Variants in BCKDHB observed in about 807,000 individuals in gnomAD.
BCKDHB encodes 2-oxoisovalerate dehydrogenase subunit beta, mitochondrial.
A neutral mutation model predicts 48.5 loss-of-function variants in BCKDHB; 41 were observed. The observed-to-expected ratio is 0.85, with a 90% CI of 0.66 to 1.10. The LOEUF (loss-of-function observed/expected upper bound fraction) is 1.10. Ranked by LOEUF, BCKDHB falls within the 50% of genes least tolerant of loss-of-function variation. The pLI is 0.00. For missense variants in BCKDHB, 496 were observed against 494.2 expected, an observed-to-expected ratio of 1.00 and a Z score of -0.03; for synonymous variants, 201 against 174.8, an observed-to-expected ratio of 1.15 and a Z score of -1.18.
intron 9 of BCKDHB, among the ~76,000 whole-genome samples, chr6:80,327,932 C>CCCTT (rs746235420): frequency 1.4e-5 from 2 of 141,848 alleles, no homozygotes; most frequent in South Asian, 2.5e-4. Flanking sequence ...TCCCCTCCCT[C>CCCTT]CCTTCCTTCC....
At chr6:80,187,149 C>T (rs1414811273) in intron 6 of BCKDHB, among the ~76,000 whole-genome samples, 1 of 152,118 alleles carries the variant, frequency 6.6e-6, no homozygotes, top group African/African-American at 2.4e-5. Context: ...CTACCATTTT[C>T]TCCATGTTGG....
intron 8 of BCKDHB, among the ~76,000 whole-genome samples, chr6:80,259,664 T>C (rs1179134100): frequency 6.6e-6 from 1 of 152,208 alleles, no homozygotes; most frequent in Non-Finnish European, 1.5e-5. Flanking sequence ...AATGATACCC[T>C]AACATGTTTC....
At chr6:80,416,977 G>A in the BCKDHB span, among the ~76,000 whole-genome samples, 1 of 152,036 alleles carries the variant, frequency 6.6e-6, no homozygotes, top group Admixed American at 6.6e-5. Flanking sequence ...CTGTCATTGT[G>A]TAGGAGTCTA....
chr6:80,389,282 CA>C, the BCKDHB span, among the ~76,000 whole-genome samples: 1 of 152,202 alleles, frequency 6.6e-6, no homozygotes, highest in Non-Finnish European at 1.5e-5. Flanking sequence ...ATGGGCTCAG[CA>C]ACATTTACTT....
At chr6:80,267,073 A>G (rs1302110585) in intron 8 of BCKDHB, among the ~76,000 whole-genome samples, 1 of 152,064 alleles carries the variant, frequency 6.6e-6, no homozygotes, top group Non-Finnish European at 1.5e-5. Flanking sequence ...TCTTTTACTA[A>G]TATACAAAGG....
the BCKDHB span, among the ~76,000 whole-genome samples, chr6:80,420,315 G>A: frequency 6.6e-6 from 1 of 152,094 alleles, no homozygotes; most frequent in South Asian, 2.1e-4. Flanking sequence ...GGAGAAAAAG[G>A]CCTTCTACAT....
intron 5 of BCKDHB, among the ~76,000 whole-genome samples, chr6:80,171,071 G>A (rs1335524701): frequency 6.6e-6 from 1 of 151,900 alleles, no homozygotes; most frequent in South Asian, 2.1e-4. Context: ...ACAGAACATG[G>A]TAGACATCTG....
At chr6:80,256,154 T>A (rs1777040688) in intron 8 of BCKDHB, among the ~76,000 whole-genome samples, 1 of 152,206 alleles carries the variant, frequency 6.6e-6, no homozygotes. Flanking sequence ...TTTAACTTCC[T>A]CTCTTAATGT....
chr6:80,396,728 T>C, the BCKDHB span, among the ~76,000 whole-genome samples: 1 of 152,210 alleles, frequency 6.6e-6, no homozygotes, highest in African/African-American at 2.4e-5. Flanking sequence ...AAGGGGTTTT[T>C]CCCTCTTTGC....
At position 80,129,195 on chromosome 6, in the gene BCKDHB, C is replaced by CT; in HGVS notation, c.312dup (p.Arg105Ter). On this transcript the variant is annotated frameshift_variant, in exon 3 of 10. Transcript: ENST00000320393. LOFTEE classifies it high-confidence loss of function. The stretch of plus-strand genomic sequence containing the variant: ...GTGAAGATGTTGCCTTTGGTGGAGT[C>CT]TTTAGATGCACTGTTGGCTTGCGAG... 1 of 1,611,402 alleles carries CT rather than the reference C, an allele frequency of 6.2e-7. No homozygotes were observed. The highest frequency in any genetic ancestry group is 8.5e-7 in the Non-Finnish European group (1 of 1,178,272).
intron 8 of BCKDHB, among the ~76,000 whole-genome samples, chr6:80,210,053 T>G (rs1774844698): frequency 6.6e-6 from 1 of 151,524 alleles, no homozygotes; most frequent in Admixed American, 6.6e-5. Context: ...TACAACCATT[T>G]TGGAAAATTG....
the BCKDHB span, among the ~76,000 whole-genome samples, chr6:80,416,103 G>A: frequency 1.3e-5 from 2 of 151,752 alleles, no homozygotes; most frequent in Non-Finnish European, 2.9e-5. Context: ...TATTTCTGTG[G>A]GGTCAGTGGG....
intron 5 of BCKDHB, among the ~76,000 whole-genome samples, chr6:80,170,639 C>T (rs186245210): frequency 2.6e-5 from 4 of 152,284 alleles, no homozygotes; most frequent in African/African-American, 7.2e-5. Flanking sequence ...CAAGTTTACA[C>T]GTGTACTTCC....
chr6:80,236,946 C>T (rs1404734572), intron 8 of BCKDHB, among the ~76,000 whole-genome samples: 1 of 152,070 alleles, frequency 6.6e-6, no homozygotes, highest in East Asian at 1.9e-4. Context: ...TGTAGATATA[C>T]TTTGAGAGAC....
the BCKDHB span, among the ~76,000 whole-genome samples, chr6:80,351,790 G>A: frequency 3.4e-5 from 5 of 148,928 alleles, no homozygotes; most frequent in Non-Finnish European, 5.9e-5. Flanking sequence ...CTACAAACGT[G>A]TGCTACCACA....
At chr6:80,201,340 G>A (rs1192811408) in intron 7 of BCKDHB, among the ~76,000 whole-genome samples, 1 of 152,018 alleles carries the variant, frequency 6.6e-6, no homozygotes, top group Non-Finnish European at 1.5e-5. Flanking sequence ...GGGTGGGGGC[G>A]AGGACACTTC....
chr6:80,449,927 G>A, the BCKDHB span, among the ~76,000 whole-genome samples: 1 of 151,928 alleles, frequency 6.6e-6, no homozygotes, highest in Non-Finnish European at 1.5e-5. Flanking sequence ...GGAAGTTGCT[G>A]CCAGAGCAAT....
intron 6 of BCKDHB, among the ~76,000 whole-genome samples, chr6:80,196,931 A>G (rs140785408): frequency 3.6e-4 from 55 of 152,094 alleles, no homozygotes; most frequent in African/African-American, 1.1e-3. Context: ...AAGATTTCTT[A>G]TTTTTCTGAG....
chr6:80,258,965 A>G lies in BCKDHB; in HGVS notation c.952-14170A>G, dbSNP rs181920131. On this transcript the variant is annotated intron_variant, in intron 8 of 9. Transcript: ENST00000320393. ...TTACTGTTTGCTACTTTATTTGCAA[A>G]TGTTTTTTCCTCAATATGAGGCCAT... 7.2e-5 allele frequency among the ~76,000 whole-genome samples: 11 copies of G among 152,230 alleles called. No homozygotes were observed. The East Asian group carries it at 1.7e-3, about 24-fold the overall frequency.
Sources: gnomAD v4.1 joint callset for allele counts (sites outside exome capture counted in the v4.1 genomes callset) on GRCh38, gnomAD v4.1.1 for gene constraint, MANE v1.5 for transcripts, NCBI Gene and HGNC (gene_info 2026-07-23, HGNC 2026-07-21) for gene names.